Variants in UCK2 observed in about 807,000 individuals in gnomAD.
The protein encoded by UCK2 is uridine-cytidine kinase 2, also known as cytidine monophosphokinase 2.
A neutral mutation model predicts 30.8 loss-of-function variants in UCK2; 6 were observed. The observed-to-expected ratio is 0.19, with a 90% CI of 0.11 to 0.38. The LOEUF (loss-of-function observed/expected upper bound fraction) is 0.38. Among genes scored for constraint, UCK2 ranks in the 10% least tolerant of loss-of-function variants. The probability of loss-of-function intolerance (pLI) is 1.00; values close to 1 mark genes in which losing one functional copy is unlikely to be tolerated. For synonymous variants in UCK2, 125 were observed against 133.6 expected, an observed-to-expected ratio of 0.94 and a Z score of 0.45; for missense variants, 210 against 339.8, an observed-to-expected ratio of 0.62 and a Z score of 3.00.
intron 1 of UCK2, among the ~76,000 whole-genome samples, chr1:165,842,226 C>A (rs557830268): frequency 6.6e-6 from 1 of 152,298 alleles, no homozygotes; most frequent in South Asian, 2.1e-4. Flanking sequence ...CTGTGTCATG[C>A]CTCAGAATCC....
At chr1:165,853,405 A>G (rs1159564658) in intron 1 of UCK2, among the ~76,000 whole-genome samples, 4 of 152,170 alleles carry the variant, frequency 2.6e-5, no homozygotes, top group Non-Finnish European at 5.9e-5. Context: ...CACCATGTCA[A>G]ATATGTCAAA....
chr1:165,899,204 C>T (rs1178147767), intron 4 of UCK2, among the ~76,000 whole-genome samples: 5 of 152,110 alleles, frequency 3.3e-5, no homozygotes, highest in Non-Finnish European at 7.4e-5. Context: ...GTGAAGCAGC[C>T]CTGGAAACTA....
At chr1:165,860,595 C>G (rs1242194075) in intron 1 of UCK2, among the ~76,000 whole-genome samples, 1 of 152,038 alleles carries the variant, frequency 6.6e-6, no homozygotes, top group Non-Finnish European at 1.5e-5. Flanking sequence ...ACTACAGGTG[C>G]ACACCACCAC....
At chr1:165,880,568 TG>T (rs1655468029) in intron 1 of UCK2, among the ~76,000 whole-genome samples, 1 of 4,832 alleles carries the variant, frequency 2.1e-4, no homozygotes, top group African/African-American at 1.2e-3. Context: ...TTTTTGGGGG[TG>T]TGTGTGTGTG....
intron 1 of UCK2, among the ~76,000 whole-genome samples, chr1:165,838,360 C>T (rs954447305): frequency 2.6e-5 from 4 of 152,208 alleles, no homozygotes; most frequent in Non-Finnish European, 4.4e-5. Context: ...ACAACAAGAT[C>T]GGGAGGGCCC....
intron 1 of UCK2, among the ~76,000 whole-genome samples, chr1:165,843,908 A>G (rs572950660): frequency 2.6e-5 from 4 of 152,208 alleles, no homozygotes; most frequent in Non-Finnish European, 5.9e-5. Flanking sequence ...ATTTGAAATA[A>G]TTTTGCACGT....
chr1:165,836,041 C>T (rs888166914), intron 1 of UCK2, among the ~76,000 whole-genome samples: 2 of 152,102 alleles, frequency 1.3e-5, no homozygotes, highest in Non-Finnish European at 2.9e-5. Flanking sequence ...CCAGCCTGGC[C>T]AACATGGGGA....
At chr1:165,871,317 G>T (rs909931318) in intron 1 of UCK2, among the ~76,000 whole-genome samples, 5 of 152,172 alleles carry the variant, frequency 3.3e-5, no homozygotes, top group Non-Finnish European at 7.3e-5. Context: ...TTTCATCTGG[G>T]TTGTACTCCA....
intron 1 of UCK2, among the ~76,000 whole-genome samples, chr1:165,831,204 G>A (rs1367493804): frequency 6.6e-6 from 1 of 152,118 alleles, no homozygotes; most frequent in Non-Finnish European, 1.5e-5. Flanking sequence ...TTCAAAACCA[G>A]CCTGGGCAAC....
intron 1 of UCK2, among the ~76,000 whole-genome samples, chr1:165,852,415 C>T (rs1654620363): frequency 6.6e-6 from 1 of 152,162 alleles, no homozygotes; most frequent in Admixed American, 6.5e-5. Context: ...AGGATATGAA[C>T]AGACACTTCT....
intron 1 of UCK2, among the ~76,000 whole-genome samples, chr1:165,831,508 A>T (rs558811221): frequency 9.8e-4 from 150 of 152,350 alleles, no homozygotes; most frequent in Non-Finnish European, 2.9e-5. Context: ...TTTAGGTGTC[A>T]TTCTGTTTCC....
At chr1:165,833,922 A>C (rs1654118980) in intron 1 of UCK2, among the ~76,000 whole-genome samples, 1 of 152,208 alleles carries the variant, frequency 6.6e-6, no homozygotes. Flanking sequence ...TATATATAAA[A>C]TATATAAGTA....
At chr1:165,899,911 G>T (rs1647395987) in intron 4 of UCK2, among the ~76,000 whole-genome samples, 1 of 152,128 alleles carries the variant, frequency 6.6e-6, no homozygotes, top group African/African-American at 2.4e-5. Flanking sequence ...AGCAGAGGTG[G>T]GCAAGGCCTT....
At chr1:165,858,719 T>C (rs1557837717) in intron 1 of UCK2, among the ~76,000 whole-genome samples, 1 of 152,164 alleles carries the variant, frequency 6.6e-6, no homozygotes, top group Non-Finnish European at 1.5e-5. Context: ...TTCTGGACCC[T>C]GAGCCATAGG....
chr1:165,899,668 C>T (rs978003040), intron 4 of UCK2, among the ~76,000 whole-genome samples: 7 of 152,338 alleles, frequency 4.6e-5, no homozygotes, highest in Admixed American at 1.3e-4. Context: ...CCTGTCCTGG[C>T]CCAGCAAATG....
intron 1 of UCK2, among the ~76,000 whole-genome samples, chr1:165,888,466 A>G (rs574659387): frequency 2.4e-4 from 37 of 151,462 alleles, no homozygotes; most frequent in Non-Finnish European, 4.9e-4. Context: ...TAATTTTTGT[A>G]TTTTTAGTAG....
At chr1:165,828,004 C>G in intron 1 of UCK2, 72 bp downstream of exon 1, 1 of 1,165,558 alleles carries the variant, frequency 8.6e-7, no homozygotes, top group Non-Finnish European at 1.1e-6. Flanking sequence ...CCGGCGGCCG[C>G]GGGCCGTGTC....
intron 3 of UCK2, among the ~76,000 whole-genome samples, chr1:165,893,308 G>A (rs1279571671): frequency 1.3e-5 from 2 of 152,144 alleles, no homozygotes; most frequent in African/African-American, 2.4e-5. Context: ...CATGTTTCAC[G>A]TTTCCTCCTG....
intron 1 of UCK2, among the ~76,000 whole-genome samples, chr1:165,856,989 C>A (rs557302531): frequency 6.5e-4 from 97 of 149,708 alleles, no homozygotes; most frequent in African/African-American, 2.3e-3. Flanking sequence ...TCTTCATTCT[C>A]TGCAGAGAGA....
Sources: gnomAD v4.1 joint callset for allele counts (sites outside exome capture counted in the v4.1 genomes callset) on GRCh38, gnomAD v4.1.1 for gene constraint, MANE v1.5 for transcripts, NCBI Gene and HGNC (gene_info 2026-07-23, HGNC 2026-07-21) for gene names.